SBF2: variants seen among roughly 807,000 people sequenced by gnomAD.
SBF2 encodes myotubularin-related protein 13.
A neutral mutation model predicts 225.2 loss-of-function variants in SBF2; 112 were observed. The ratio of observed to expected loss-of-function variants is 0.50; its 90% CI spans 0.43 to 0.58. The LOEUF is 0.58. Ranked by LOEUF, SBF2 falls within the 20% of genes least tolerant of loss-of-function variation. The pLI, the probability that SBF2 is intolerant of heterozygous loss-of-function variation, is 0.00. For missense variants in SBF2, 1,996 were observed against 2,206.2 expected (o/e 0.90, Z 1.91); for synonymous variants, 763 against 773.3 (o/e 0.99, Z 0.22).
chr11:9,789,456 T>C, intron 34 of SBF2, 114 bp from the exon 35 acceptor site: 2 of 693,502 alleles, frequency 2.9e-6, no homozygotes, highest in South Asian at 3.3e-5. Context: ...ATGAATGGAG[T>C]TCAAATACCA....
intron 4 of SBF2, among the ~76,000 whole-genome samples, 185 bp downstream of exon 4, chr11:10,030,863 T>C (rs1259495087): frequency 1.3e-5 from 2 of 152,184 alleles, no homozygotes; most frequent in Non-Finnish European, 2.9e-5. Context: ...GTAGTCACAT[T>C]AACTTATTCA....
At chr11:10,009,490 ATGAG>A (rs1948348797) in intron 6 of SBF2, among the ~76,000 whole-genome samples, 1 of 151,834 alleles carries the variant, frequency 6.6e-6, no homozygotes, top group Non-Finnish European at 1.5e-5. Context: ...ACTCCCACTT[ATGAG>A]TGAGAACATG....
chr11:9,939,295 A>AC (rs1865106775), intron 16 of SBF2, among the ~76,000 whole-genome samples: 1 of 152,044 alleles, frequency 6.6e-6, no homozygotes, highest in Non-Finnish European at 1.5e-5. Flanking sequence ...ACGGGGTTTC[A>AC]CCACCTTGGC....
At position 9,781,628 on chromosome 11, in the gene SBF2, T is replaced by C. The variant is rs185926762; in HGVS notation, c.5330A>G (p.Tyr1777Cys). 7 of 1,614,178 alleles carry C rather than the reference T, an allele frequency of 4.3e-6. No homozygotes were observed. Among genetic ancestry groups the C allele is most frequent in the East Asian group, 2.2e-5 (1 of 44,892 alleles). Reference protein sequence around the residue: ...LDVTKHQLRYYDSGEDTSCKG... With the variant: ...LDVTKHQLRYCDSGEDTSCKG... ...ACAGCTTGTGTCCTCACCTGAGTCA[T>C]AGTAGCGCAGCTGGAACCAAAAGGA... Residue 1777 changes from tyrosine to cysteine, a missense_variant, in exon 39 of 40, where the codon TAT (tyrosine) becomes TGT (cysteine). Transcript: ENST00000256190.
intron 8 of SBF2, among the ~76,000 whole-genome samples, chr11:9,999,492 T>C (rs895385211): frequency 1.3e-5 from 2 of 152,062 alleles, no homozygotes; most frequent in African/African-American, 4.8e-5. Flanking sequence ...AGCTAATTTT[T>C]TGTAGTTTTA....
intron 28 of SBF2, chr11:9,828,261 T>C (rs1337765412): frequency 2.3e-6 from 3 of 1,279,488 alleles, no homozygotes; most frequent in Non-Finnish European, 3.0e-6. Context: ...CCATGTTGTT[T>C]GGGTTAACAT....
intron 12 of SBF2, among the ~76,000 whole-genome samples, chr11:9,990,264 TA>T (rs1456953035): frequency 2.0e-5 from 3 of 152,190 alleles, no homozygotes; most frequent in Admixed American, 1.3e-4. Context: ...ACTCACTGCA[TA>T]GGCATATAAA....
chr11:9,975,714 T>G (rs1590656834), intron 13 of SBF2, among the ~76,000 whole-genome samples: 1 of 152,320 alleles, frequency 6.6e-6, no homozygotes, highest in Middle Eastern at 3.4e-3. Context: ...GCCTATGCTT[T>G]GCGGGCAGGG....
chr11:10,055,600 G>A (rs185317804), intron 2 of SBF2, among the ~76,000 whole-genome samples: 1 of 140,594 alleles, frequency 7.1e-6, no homozygotes, highest in Non-Finnish European at 1.5e-5. Flanking sequence ...TCATAAAAAA[G>A]AACAAAATAA....
intron 16 of SBF2, among the ~76,000 whole-genome samples, chr11:9,931,357 T>A (rs1030867999): frequency 6.6e-6 from 1 of 152,166 alleles, no homozygotes; most frequent in Non-Finnish European, 1.5e-5. Context: ...CCAGTAGGGA[T>A]CGACAGACAC....
intron 28 of SBF2, 61 bp downstream of exon 28, chr11:9,829,295 T>C: frequency 6.4e-7 from 1 of 1,551,706 alleles, no homozygotes; most frequent in East Asian, 2.2e-5. Flanking sequence ...CAAATAACCC[T>C]AGGAACAGAA....
At chr11:10,053,073 T>C (rs1399491935) in intron 2 of SBF2, among the ~76,000 whole-genome samples, 2 of 152,156 alleles carry the variant, frequency 1.3e-5, no homozygotes, top group Non-Finnish European at 2.9e-5. Context: ...TAGTTATGAA[T>C]CCTGTTTTTC....
intron 9 of SBF2, among the ~76,000 whole-genome samples, chr11:9,994,567 T>C (rs1466002767): frequency 7.0e-6 from 1 of 143,218 alleles, no homozygotes; most frequent in Non-Finnish European, 1.6e-5. Flanking sequence ...ACCCTAAATC[T>C]ATATATGTAC....
intron 28 of SBF2, chr11:9,828,516 A>G: frequency 2.0e-6 from 2 of 985,456 alleles, no homozygotes; most frequent in Non-Finnish European, 2.4e-6. Flanking sequence ...GCTTATGTTG[A>G]GCTAATTCAA....
chr11:10,193,459 A>T (rs1021818229), intron 2 of SBF2, among the ~76,000 whole-genome samples: 5 of 144,146 alleles, frequency 3.5e-5, no homozygotes, highest in South Asian at 4.3e-4. Context: ...GGTTCATGCC[A>T]TTCTCCTGCC....
chr11:10,015,621 TGAC>T (rs1948620163), intron 6 of SBF2, among the ~76,000 whole-genome samples: 1 of 152,206 alleles, frequency 6.6e-6, no homozygotes, highest in Non-Finnish European at 1.5e-5. Context: ...AGGTAGATTT[TGAC>T]AGAGATGCAT....
At chr11:10,002,722 A>G (rs752597132) in intron 6 of SBF2, 33 bp from the exon 7 acceptor site, 2 of 1,600,282 alleles carry the variant, frequency 1.2e-6, no homozygotes, top group South Asian at 2.2e-5. Flanking sequence ...TTACAAATGC[A>G]TTTAATTTTA....
chr11:9,845,900 G>A (rs1407726549), intron 23 of SBF2, among the ~76,000 whole-genome samples, 160 bp from the exon 24 acceptor site: 2 of 152,138 alleles, frequency 1.3e-5, no homozygotes, highest in East Asian at 3.8e-4. Context: ...AATAAAAAAA[G>A]GCTCAAAAAG....
At chr11:10,162,017 C>T (rs890729243) in intron 2 of SBF2, among the ~76,000 whole-genome samples, 14 of 152,200 alleles carry the variant, frequency 9.2e-5, no homozygotes, top group Admixed American at 9.2e-4. Context: ...TAGGAAGACT[C>T]GGTTGCATTT....
Sources: allele counts gnomAD v4.1 joint callset (sites outside exome capture counted in the v4.1 genomes callset), GRCh38; gene constraint gnomAD v4.1.1; transcripts MANE v1.5; gene names NCBI Gene and HGNC (gene_info 2026-07-23, HGNC 2026-07-21).